IL1RAPL2: variants seen among roughly 807,000 people sequenced by gnomAD.
IL1RAPL2 encodes the protein X-linked interleukin-1 receptor accessory protein-like 2.
A neutral mutation model predicts 44.1 loss-of-function variants in IL1RAPL2; 3 were observed. That is an observed-to-expected ratio of 0.07 (90% CI 0.03 to 0.18). IL1RAPL2 has a LOEUF of 0.18. IL1RAPL2 is among the 10% of genes least tolerant of loss of function. IL1RAPL2 has a pLI of 1.00. For synonymous variants in IL1RAPL2, 181 were observed against 178.8 expected, an observed-to-expected ratio of 1.01 and a Z score of -0.10; for missense variants, 391 against 496.4, an observed-to-expected ratio of 0.79 and a Z score of 2.02.
chrX:105,748,225 C>G (rs1269845654), intron 8 of IL1RAPL2, among the ~76,000 whole-genome samples: 1 of 111,813 alleles, frequency 8.9e-6, no homozygotes, highest in Non-Finnish European at 1.9e-5. Flanking sequence ...TTAATTGTTC[C>G]AATGCTCAGA....
At chrX:105,650,688 G>A (rs187039842) in intron 6 of IL1RAPL2, among the ~76,000 whole-genome samples, 2 of 111,621 alleles carry the variant, frequency 1.8e-5, no homozygotes, top group East Asian at 5.7e-4. Context: ...TGAAGGCCTG[G>A]GATTTTTCCC....
At chrX:105,719,684 G>A (rs1477349825) in intron 7 of IL1RAPL2, among the ~76,000 whole-genome samples, 5 of 108,224 alleles carry the variant, frequency 4.6e-5, no homozygotes, top group African/African-American at 1.7e-4. Context: ...ACAAAGAATT[G>A]TATACTTTTA....
At chrX:104,709,820 A>G (rs893713276) in intron 2 of IL1RAPL2, among the ~76,000 whole-genome samples, 7 of 111,126 alleles carry the variant, frequency 6.3e-5, no homozygotes, top group Non-Finnish European at 1.3e-4. Flanking sequence ...GATAAGGGAC[A>G]CAGCTTTAAA....
At chrX:105,059,655 C>T (rs1480401761) in intron 2 of IL1RAPL2, among the ~76,000 whole-genome samples, 2 of 111,051 alleles carry the variant, frequency 1.8e-5, no homozygotes, top group African/African-American at 6.6e-5. Context: ...CTCAGCCTCC[C>T]GAGTAGCTTG....
intron 5 of IL1RAPL2, among the ~76,000 whole-genome samples, chrX:105,435,805 C>T (rs1463163081): frequency 3.6e-5 from 4 of 111,327 alleles, no homozygotes; most frequent in South Asian, 3.8e-4. Context: ...GAAAACCAAA[C>T]ACTGCATGTT....
intron 2 of IL1RAPL2, among the ~76,000 whole-genome samples, chrX:105,090,445 C>T (rs891385598): frequency 1.5e-4 from 17 of 112,144 alleles, no homozygotes; most frequent in African/African-American, 5.2e-4. Context: ...CCCCATCTCC[C>T]TTTCCCATCC....
At chrX:105,687,841 G>A (rs1240437692) in intron 6 of IL1RAPL2, among the ~76,000 whole-genome samples, 1 of 111,431 alleles carries the variant, frequency 9.0e-6, no homozygotes, top group East Asian at 2.8e-4. Context: ...CTGGCAAACC[G>A]AATCCCGCAG....
chrX:104,591,051 C>G (rs1368309940), intron 1 of IL1RAPL2, among the ~76,000 whole-genome samples: 2 of 111,591 alleles, frequency 1.8e-5, no homozygotes, highest in Non-Finnish European at 3.8e-5. Context: ...GGTACACATA[C>G]ACAGGCAAGG....
At chrX:105,256,334 C>CTT (rs35418392) in intron 4 of IL1RAPL2, among the ~76,000 whole-genome samples, 12 of 100,580 alleles carry the variant, frequency 1.2e-4, no homozygotes, top group South Asian at 4.5e-4. Context: ...AATTTTTTTT[C>CTT]TTTTTTTTTT....
chrX:104,830,601 T>C (rs1460150896), intron 2 of IL1RAPL2, among the ~76,000 whole-genome samples: 1 of 111,828 alleles, frequency 8.9e-6, no homozygotes. Context: ...GTTTTGTCCA[T>C]GTTGTTAATA....
At chrX:105,659,639 A>G (rs2037704732) in intron 6 of IL1RAPL2, among the ~76,000 whole-genome samples, 1 of 108,725 alleles carries the variant, frequency 9.2e-6, no homozygotes, top group African/African-American at 3.4e-5. Context: ...CCTGGGCGAC[A>G]GAGTGAGACT....
chrX:105,447,403 A>C (rs1376912932), intron 5 of IL1RAPL2, among the ~76,000 whole-genome samples: 1 of 72,228 alleles, frequency 1.4e-5, no homozygotes, highest in Non-Finnish European at 2.3e-5. Context: ...ATATATAAAT[A>C]TATAAATATA....
At chrX:105,421,171 G>T (rs1324162209) in intron 5 of IL1RAPL2, among the ~76,000 whole-genome samples, 2 of 111,409 alleles carry the variant, frequency 1.8e-5, no homozygotes, top group Admixed American at 1.9e-4. Flanking sequence ...TCAGAAAGGT[G>T]GGGGACAACT....
At chrX:104,671,352 C>A (rs765116294) in intron 2 of IL1RAPL2, among the ~76,000 whole-genome samples, 1 of 111,598 alleles carries the variant, frequency 9.0e-6, no homozygotes, top group South Asian at 3.8e-4. Context: ...TTCATATTCC[C>A]AGCTCTGAGC....
Position 104,755,043 on chromosome X carries a change from T to A in IL1RAPL2, c.82+96048T>A, listed in dbSNP as rs192078684. ...ACAATCTATAGTCTCAACAAATCAT[T>A]TAAAGTATCATTGCTTAAAAGCTCA... On this transcript the variant is annotated intron_variant, in intron 2 of 10. Coordinates refer to ENST00000372582, the MANE Select transcript of IL1RAPL2 (RefSeq NM_017416.2). 3.3e-3 allele frequency among the ~76,000 whole-genome samples: 369 copies of A among 111,630 alleles called. 1 individual carries two copies. Among genetic ancestry groups the A allele is most frequent in the African/African-American group, 0.011 (342 of 30,829 alleles).
At chrX:105,356,216 G>A (rs2035202024) in intron 5 of IL1RAPL2, among the ~76,000 whole-genome samples, 1 of 110,185 alleles carries the variant, frequency 9.1e-6, no homozygotes, top group African/African-American at 3.3e-5. Context: ...CTCAGCTGGA[G>A]TTTCCATGAA....
intron 6 of IL1RAPL2, among the ~76,000 whole-genome samples, chrX:105,542,742 T>A (rs183373219): frequency 0.047 from 4,862 of 103,716 alleles, 258 homozygotes; most frequent in African/African-American, 0.15. Flanking sequence ...ATTTATTATT[T>A]TTTTTTTTTG....
intron 5 of IL1RAPL2, among the ~76,000 whole-genome samples, chrX:105,288,139 C>T (rs1392706144): frequency 9.0e-6 from 1 of 111,090 alleles, no homozygotes; most frequent in African/African-American, 3.3e-5. Context: ...CAGACCTGTT[C>T]ACTAGACATT....
At chrX:104,874,355 G>A (rs1443021449) in intron 2 of IL1RAPL2, among the ~76,000 whole-genome samples, 1 of 104,697 alleles carries the variant, frequency 9.6e-6, no homozygotes, top group Non-Finnish European at 2.0e-5. Context: ...CATGGGCAGG[G>A]TAGATGGGGT....
Sources: allele counts gnomAD v4.1 joint callset (sites outside exome capture counted in the v4.1 genomes callset), GRCh38; gene constraint gnomAD v4.1.1; transcripts MANE v1.5; gene names NCBI Gene and HGNC (gene_info 2026-07-23, HGNC 2026-07-21).